The following CYP7B1 variants were observed in gnomAD, a reference collection of about 807,000 sequenced individuals.
CYP7B1 encodes the protein cytochrome P450 family 7 subfamily B member 1.
CYP7B1 carries 29 observed loss-of-function variants against 42.7 expected under a neutral mutation model. The ratio of observed to expected loss-of-function variants is 0.68; its 90% CI spans 0.51 to 0.93. The LOEUF is 0.93. CYP7B1 is among the 40% of genes least tolerant of loss of function. The probability of loss-of-function intolerance (pLI) is 0.00; values close to 1 mark genes in which losing one functional copy is unlikely to be tolerated. For missense variants in CYP7B1, 655 were observed against 600.5 expected (o/e 1.09, Z -0.95); for synonymous variants, 235 against 218.2 (o/e 1.08, Z -0.68).
chr8:64,658,189 G>A (rs1288775796), intron 1 of CYP7B1, among the ~76,000 whole-genome samples: 1 of 151,892 alleles, frequency 6.6e-6, no homozygotes, highest in Non-Finnish European at 1.5e-5. Flanking sequence ...CGAATTTAGG[G>A]GGAACACAAA....
At chr8:64,733,302 C>T (rs988370265) in intron 1 of CYP7B1, among the ~76,000 whole-genome samples, 3 of 152,196 alleles carry the variant, frequency 2.0e-5, no homozygotes, top group African/African-American at 7.2e-5. Flanking sequence ...GCGCTAGAGA[C>T]TAAAGAGAGC....
intron 1 of CYP7B1, among the ~76,000 whole-genome samples, chr8:64,706,276 C>T (rs370141949): frequency 6.6e-6 from 1 of 151,982 alleles, no homozygotes; most frequent in African/African-American, 2.4e-5. Context: ...GTAAAACTGA[C>T]TACTAAGTCC....
At chr8:64,734,876 G>T (rs527718058) in intron 1 of CYP7B1, among the ~76,000 whole-genome samples, 20 of 152,166 alleles carry the variant, frequency 1.3e-4, no homozygotes, top group Admixed American at 7.2e-4. Flanking sequence ...AAATTAGGTT[G>T]GTCACTATTA....
intron 1 of CYP7B1, among the ~76,000 whole-genome samples, chr8:64,673,477 T>G (rs973051469): frequency 6.6e-6 from 1 of 152,106 alleles, no homozygotes; most frequent in Non-Finnish European, 1.5e-5. Flanking sequence ...CTTCTTTTTG[T>G]GTGGCTGCTG....
Position 64,624,525 on chromosome 8 carries a change from G to C in CYP7B1, c.137C>G (p.Pro46Arg). 6.2e-7 allele frequency: 1 copy of C among 1,613,246 alleles called. No individual in the cohort carries two copies. The highest frequency in any genetic ancestry group is 8.5e-7 in the Non-Finnish European group (1 of 1,179,826). The change falls in exon 2 of 6, where the codon CCT (proline) becomes CGT (arginine). Residue 46 changes from proline (P) to arginine (R), a missense_variant. By Grantham distance (103) the Pro-to-Arg change is moderately radical. Transcript: ENST00000310193. ...AGGAAGCCAACCTTTTATCAATGGA[G>C]GCTCACCGGGTCTCCTACAAGGAAA... ...LVRRTRRPGE[P>R]PLIKGWLPYL...
At chr8:64,736,344 C>T (rs945159110) in intron 1 of CYP7B1, among the ~76,000 whole-genome samples, 2 of 151,986 alleles carry the variant, frequency 1.3e-5, no homozygotes, top group African/African-American at 2.4e-5. Context: ...AGATGACACA[C>T]GAATGGATCA....
intron 4 of CYP7B1, among the ~76,000 whole-genome samples, chr8:64,613,363 T>A (rs2129630127): frequency 6.6e-6 from 1 of 152,276 alleles, no homozygotes; most frequent in Non-Finnish European, 1.5e-5. Flanking sequence ...TTAAAAATGA[T>A]TTTTTAATAG....
chr8:64,686,090 CGGGA>C (rs1806634964), intron 1 of CYP7B1, among the ~76,000 whole-genome samples: 1 of 111,778 alleles, frequency 8.9e-6, no homozygotes, highest in Non-Finnish European at 1.9e-5. Context: ...CCGCCCCGTC[CGGGA>C]GGGAGGTGGG....
At chr8:64,674,811 G>A (rs994659071) in intron 1 of CYP7B1, among the ~76,000 whole-genome samples, 3 of 152,008 alleles carry the variant, frequency 2.0e-5, no homozygotes, top group South Asian at 2.1e-4. Flanking sequence ...AGAATGGAGC[G>A]TTTCAGATGA....
chr8:64,685,736 C>T (rs1241163610), intron 1 of CYP7B1, among the ~76,000 whole-genome samples: 2 of 56,748 alleles, frequency 3.5e-5, no homozygotes, highest in African/African-American at 1.1e-4. Context: ...AAGTGAGGAG[C>T]GTCTCCGCCC....
At chr8:64,718,185 A>C (rs1177568839) in intron 1 of CYP7B1, among the ~76,000 whole-genome samples, 1 of 152,090 alleles carries the variant, frequency 6.6e-6, no homozygotes, top group Non-Finnish European at 1.5e-5. Flanking sequence ...ATCCCTATTG[A>C]ATATTCAAAG....
intron 1 of CYP7B1, among the ~76,000 whole-genome samples, chr8:64,698,903 A>AT (rs1420184778): frequency 6.6e-6 from 1 of 152,112 alleles, no homozygotes; most frequent in African/African-American, 2.4e-5. Context: ...AATTTAAAGG[A>AT]TTTTTTTCTA....
At position 64,760,555 on chromosome 8, in the gene CYP7B1, A is replaced by G. The variant is rs190533515; in HGVS notation, c.122+37911T>C. ...AATTGGGCAAAGGACTTTAACAGAC[A>G]TTTATATCAAGGACACAAAAATGGC... On this transcript the variant is annotated intron_variant, in intron 1 of 5. Transcript: ENST00000310193. Among the ~76,000 whole-genome samples the G allele has an allele frequency of 3.3e-5, 5 of 152,252 alleles. No individual in the cohort carries two copies. In the East Asian group the frequency reaches 7.7e-4, roughly 24 times the overall value.
intron 1 of CYP7B1, among the ~76,000 whole-genome samples, chr8:64,681,202 T>G (rs1806531518): frequency 6.6e-6 from 1 of 152,190 alleles, no homozygotes; most frequent in African/African-American, 2.4e-5. Flanking sequence ...TTGCACATTA[T>G]TTTTTGGTGG....
chr8:64,732,227 G>A (rs572729875), intron 1 of CYP7B1, among the ~76,000 whole-genome samples: 1 of 152,302 alleles, frequency 6.6e-6, no homozygotes, highest in Non-Finnish European at 1.5e-5. Context: ...AGCTGGGAGG[G>A]GAGCTGTACC....
intron 5 of CYP7B1, among the ~76,000 whole-genome samples, chr8:64,602,932 A>G (rs1413884331): frequency 6.6e-6 from 1 of 152,220 alleles, no homozygotes; most frequent in East Asian, 1.9e-4. Context: ...GTTCTGAGCT[A>G]TATCATTTTT....
intron 1 of CYP7B1, among the ~76,000 whole-genome samples, chr8:64,793,926 A>C (rs1804661774): frequency 6.6e-6 from 1 of 151,716 alleles, no homozygotes; most frequent in Non-Finnish European, 1.5e-5. Context: ...AGTTGCTTGA[A>C]CCAACCTAGC....
At chr8:64,662,001 C>G (rs1429004844) in intron 1 of CYP7B1, among the ~76,000 whole-genome samples, 1 of 152,024 alleles carries the variant, frequency 6.6e-6, no homozygotes, top group Admixed American at 6.6e-5. Flanking sequence ...TGCCCTCCAG[C>G]CCATCTCACA....
intron 1 of CYP7B1, among the ~76,000 whole-genome samples, chr8:64,786,811 A>T (rs1409819347): frequency 1.3e-5 from 2 of 152,218 alleles, no homozygotes; most frequent in Non-Finnish European, 2.9e-5. Context: ...CACCCCTGTA[A>T]CACACTTCTT....
Sources: gnomAD v4.1 joint callset for allele counts (sites outside exome capture counted in the v4.1 genomes callset) on GRCh38, gnomAD v4.1.1 for gene constraint, MANE v1.5 for transcripts, NCBI Gene and HGNC (gene_info 2026-07-23, HGNC 2026-07-21) for gene names.